Variants in NFATC2 observed in about 807,000 individuals in gnomAD.
NFATC2 encodes nuclear factor of activated T-cells, cytoplasmic 2.
NFATC2 carries 22 observed loss-of-function variants against 87.3 expected under a neutral mutation model. The observed-to-expected ratio is 0.25, with a 90% confidence interval of 0.18 to 0.36. The LOEUF is 0.36. Ranked by LOEUF, NFATC2 falls within the 10% of genes least tolerant of loss-of-function variation. NFATC2 has a pLI of 1.00. For missense variants in NFATC2, 1,149 were observed against 1,259.1 expected (o/e 0.91, Z 1.32); for synonymous variants, 565 against 542.2 (o/e 1.04, Z -0.58).
intron 9 of NFATC2, among the ~76,000 whole-genome samples, chr20:51,417,150 A>C (rs932312073): frequency 2.6e-5 from 4 of 151,986 alleles, no homozygotes; most frequent in African/African-American, 9.7e-5. Flanking sequence ...CCCTTTTCTC[A>C]GCCTGCTTTC....
At chr20:51,428,985 C>G (rs1982284786) in intron 9 of NFATC2, among the ~76,000 whole-genome samples, 1 of 152,202 alleles carries the variant, frequency 6.6e-6, no homozygotes. Context: ...AGAAAAGGAC[C>G]TAAAGACCAA....
At chr20:51,442,851 C>A (rs553627550) in intron 6 of NFATC2, among the ~76,000 whole-genome samples, 3 of 152,164 alleles carry the variant, frequency 2.0e-5, no homozygotes, top group African/African-American at 7.2e-5. Context: ...CAGCTGTACC[C>A]CAGGCCGAGA....
intron 1 of NFATC2, among the ~76,000 whole-genome samples, chr20:51,538,337 C>T (rs1369533679): frequency 1.3e-5 from 2 of 151,506 alleles, no homozygotes; most frequent in Non-Finnish European, 2.9e-5. Flanking sequence ...TCCATAGATG[C>T]TAAAAAAGCC....
At chr20:51,497,657 C>A (rs1600874024) in intron 3 of NFATC2, among the ~76,000 whole-genome samples, 2 of 152,140 alleles carry the variant, frequency 1.3e-5, no homozygotes, top group Non-Finnish European at 2.9e-5. Context: ...ATCCTTCCCC[C>A]TCCTTTGCTC....
intron 6 of NFATC2, among the ~76,000 whole-genome samples, chr20:51,440,949 C>A (rs1033848501): frequency 2.0e-5 from 3 of 152,214 alleles, no homozygotes; most frequent in African/African-American, 7.2e-5. Flanking sequence ...ATAATCCCAA[C>A]CTCTGAATTG....
chr20:51,496,543 T>C (rs1164270376), intron 3 of NFATC2, among the ~76,000 whole-genome samples: 1 of 152,068 alleles, frequency 6.6e-6, no homozygotes, highest in African/African-American at 2.4e-5. Context: ...TTATAGTCCT[T>C]ATCTCTCTAT....
At chr20:51,525,929 A>ACCC (rs2076538297) in intron 1 of NFATC2, among the ~76,000 whole-genome samples, 5 of 35,268 alleles carry the variant, frequency 1.4e-4, no homozygotes, top group Admixed American at 4.8e-4. Flanking sequence ...ACCCACCCCC[A>ACCC]CCACTCCCCA....
intron 9 of NFATC2, among the ~76,000 whole-genome samples, chr20:51,409,067 ACTGT>A (rs1978804451): frequency 6.6e-6 from 1 of 152,278 alleles, no homozygotes; most frequent in African/African-American, 2.4e-5. Flanking sequence ...AAAAAATTTA[ACTGT>A]CTGACAGTAT....
At chr20:51,501,409 C>T (rs1475464215) in intron 3 of NFATC2, among the ~76,000 whole-genome samples, 1 of 152,188 alleles carries the variant, frequency 6.6e-6, no homozygotes, top group East Asian at 1.9e-4. Flanking sequence ...AAACCTCATT[C>T]ACCATCAACA....
At chr20:51,521,342 G>A (rs1010764394) in intron 2 of NFATC2, among the ~76,000 whole-genome samples, 5 of 151,654 alleles carry the variant, frequency 3.3e-5, no homozygotes, top group Non-Finnish European at 7.4e-5. Context: ...TTTTTTTGAG[G>A]TGGAGTCTCA....
chr20:51,467,072 CAAAA>C (rs35588474), intron 5 of NFATC2, among the ~76,000 whole-genome samples: 1 of 79,696 alleles, frequency 1.3e-5, no homozygotes. Context: ...GACTTAGTCT[CAAAA>C]AAAAAAAAAA....
chr20:51,425,275 C>T lies in NFATC2; in HGVS notation c.2722+6792G>A, dbSNP rs183886086. ...TTTTTAAATGAAGGCAAAAAAAGGA[C>T]GCTGGCAAAAGCCCTCCCAACGGGG... is the stretch of plus-strand genomic sequence containing the variant. On this transcript the variant is annotated intron_variant, in intron 9 of 10. Coordinates refer to ENST00000371564, the MANE Select transcript of NFATC2 (RefSeq NM_012340.5). Among the ~76,000 whole-genome samples, 10 of 152,324 alleles carry T rather than the reference C, an allele frequency of 6.6e-5. No homozygotes were observed. The South Asian group carries it at 2.1e-3, about 32-fold the overall frequency.
chr20:51,427,217 G>A (rs888614306), intron 9 of NFATC2, among the ~76,000 whole-genome samples: 14 of 152,094 alleles, frequency 9.2e-5, no homozygotes, highest in African/African-American at 1.7e-4. Flanking sequence ...GAGATGGCCC[G>A]ATGACCTCTG....
chr20:51,516,813 C>A lies in NFATC2; in HGVS notation c.1303G>T (p.Ala435Ser). Residue 435 changes from alanine (A) to serine (S), a missense_variant, in exon 3 of 11, where the codon GCT becomes TCT. By Grantham distance (99) the Ala-to-Ser change is moderately conservative. This residue lies in a region of NFATC2 where 581 missense variants were observed against 649.7 expected (regional missense o/e 0.89). Transcript: ENST00000371564. The part of the protein sequence containing the change: ...ETEGSRGAVK[A>S]PTGGHPVVQL... Reference sequence around the variant, plus strand: ...ACCACAGGGTGGCCTCCAGTTGGAGCTTTGACAGCCCCTCGGCTGCCTTCT... The same window carrying A: ...ACCACAGGGTGGCCTCCAGTTGGAGATTTGACAGCCCCTCGGCTGCCTTCT... The A allele has an allele frequency of 6.2e-7, 1 of 1,612,354 alleles. No individual in the cohort carries two copies.
rs182101763 is a variant in NFATC2 at position 51,396,557 on chromosome 20, G to A, written c.*44+2086C>T. Among the ~76,000 whole-genome samples the A allele has an allele frequency of 3.9e-5, 6 of 152,252 alleles. No homozygotes were observed. The East Asian group carries it at 7.8e-4, about 20-fold the overall frequency. On this transcript the variant is annotated intron_variant, in intron 10 of 10. Transcript: ENST00000371564. ...GTTTTCCAAAATCTGGTGAGACCAC[G>A]TGAGTGCCCACGAGAGCCTGGGCCC...
chr20:51,463,725 C>T (rs2146469298), intron 5 of NFATC2, among the ~76,000 whole-genome samples: 1 of 152,286 alleles, frequency 6.6e-6, no homozygotes, highest in East Asian at 1.9e-4. Flanking sequence ...CCACACCCTG[C>T]AAGGGTGCTT....
chr20:51,553,124 C>G (rs1306911526), intron 1 of NFATC2, among the ~76,000 whole-genome samples: 1 of 152,100 alleles, frequency 6.6e-6, no homozygotes, highest in East Asian at 1.9e-4. Flanking sequence ...GGCCTACATT[C>G]CCGTATGGAC....
intron 1 of NFATC2, among the ~76,000 whole-genome samples, chr20:51,528,403 TACAC>T (rs1322346888): frequency 2.2e-5 from 3 of 136,606 alleles, no homozygotes; most frequent in South Asian, 2.5e-4. Context: ...CAGAGAGATG[TACAC>T]ACAATGTACA....
chr20:51,458,975 A>G (rs1432738430), intron 5 of NFATC2, among the ~76,000 whole-genome samples: 1 of 152,142 alleles, frequency 6.6e-6, no homozygotes, highest in African/African-American at 2.4e-5. Context: ...TGAGTCCTGC[A>G]TCTGCCATCC....
Sources: allele counts gnomAD v4.1 joint callset (sites outside exome capture counted in the v4.1 genomes callset), GRCh38; gene constraint gnomAD v4.1.1; regional missense constraint gnomAD v4.1.1; transcripts MANE v1.5; gene names NCBI Gene and HGNC (gene_info 2026-07-23, HGNC 2026-07-21).